Variants in GPR137C observed in about 807,000 individuals in gnomAD.
GPR137C encodes the protein integral membrane protein GPR137C.
Under a neutral mutation model 43.4 loss-of-function variants are expected in GPR137C, and 27 were observed. The observed-to-expected ratio is 0.62, with a 90% CI of 0.46 to 0.86. GPR137C has a LOEUF of 0.86. GPR137C is among the 40% of genes least tolerant of loss of function. The pLI, the probability that GPR137C is intolerant of heterozygous loss-of-function variation, is 0.00. For missense variants in GPR137C, 522 were observed against 534.6 expected (o/e 0.98, Z 0.23); for synonymous variants, 285 against 226.9 (o/e 1.26, Z -2.30).
intron 3 of GPR137C, among the ~76,000 whole-genome samples, chr14:52,625,975 T>G (rs930649729): frequency 3.3e-5 from 5 of 152,092 alleles, no homozygotes; most frequent in African/African-American, 1.2e-4. Context: ...CAACTAACCT[T>G]GAATTGAAAA....
Position 52,553,765 on chromosome 14 carries a change from A to C in GPR137C, c.444+174A>C, listed in dbSNP as rs562258984. Among the ~76,000 whole-genome samples, 12 of 152,266 alleles carry C rather than the reference A, an allele frequency of 7.9e-5. 1 individual carries two copies. The South Asian group carries it at 2.1e-3, about 26-fold the overall frequency. ...GAGCCAGTGTTTTCGCCTTAAACTT[A>C]AGTGGCTGATTGGCTTGATTACTGA... On this transcript the variant is annotated intron_variant, in intron 1 of 6. Transcript: ENST00000321662.
intron 1 of GPR137C, among the ~76,000 whole-genome samples, chr14:52,590,762 A>C (rs1290437899): frequency 1.3e-5 from 2 of 152,204 alleles, no homozygotes; most frequent in Non-Finnish European, 2.9e-5. Context: ...GTAGTAGGCT[A>C]TACCATCTAG....
At chr14:52,559,042 A>G (rs1018227538) in intron 1 of GPR137C, among the ~76,000 whole-genome samples, 18 of 152,220 alleles carry the variant, frequency 1.2e-4, no homozygotes, top group African/African-American at 3.9e-4. Flanking sequence ...AGAAAGCCCA[A>G]CAAATCCAAG....
At chr14:52,611,747 G>A (rs2039041247) in intron 3 of GPR137C, 1 of 358,614 alleles carries the variant, frequency 2.8e-6, no homozygotes, top group Non-Finnish European at 3.9e-6. Context: ...TTAAATCAGA[G>A]ATCTGCCATT....
chr14:52,599,578 C>A (rs1344731914), intron 2 of GPR137C, among the ~76,000 whole-genome samples: 5 of 151,880 alleles, frequency 3.3e-5, no homozygotes, highest in African/African-American at 4.8e-5. Flanking sequence ...GGACTACAGG[C>A]GTGTGCCGCC....
At chr14:52,586,733 C>G (rs935674048) in intron 1 of GPR137C, among the ~76,000 whole-genome samples, 3 of 152,154 alleles carry the variant, frequency 2.0e-5, no homozygotes, top group African/African-American at 7.2e-5. Context: ...TTCCTTCTTG[C>G]ATTCCAAAAC....
intron 3 of GPR137C, among the ~76,000 whole-genome samples, chr14:52,624,226 AAAAG>A (rs1437374194): frequency 4.7e-4 from 71 of 151,462 alleles, no homozygotes; most frequent in Admixed American, 8.5e-4. Context: ...AAAAAAAAAA[AAAAG>A]AAAGAACAAG....
chr14:52,616,283 TTTTGTTTG>T (rs147673852), intron 3 of GPR137C, among the ~76,000 whole-genome samples: 28 of 151,710 alleles, frequency 1.8e-4, no homozygotes, highest in South Asian at 2.1e-4. Context: ...ATGTTCTCTT[TTTTGTTTG>T]TTTGTTTGTT....
intron 3 of GPR137C, among the ~76,000 whole-genome samples, chr14:52,618,848 G>T (rs2039128515): frequency 6.6e-6 from 1 of 152,006 alleles, no homozygotes; most frequent in African/African-American, 2.4e-5. Flanking sequence ...AGCAAGTTGG[G>T]ATTCTTTGTC....
At chr14:52,633,086 A>G (rs930145659) in intron 4 of GPR137C, among the ~76,000 whole-genome samples, 1 of 152,080 alleles carries the variant, frequency 6.6e-6, no homozygotes, top group Non-Finnish European at 1.5e-5. Flanking sequence ...CAAATTTAAT[A>G]TGTAGATTAG....
rs530997910 is a variant in GPR137C at position 52,564,003 on chromosome 14, C to T, written c.444+10412C>T. 3.3e-5 allele frequency among the ~76,000 whole-genome samples: 5 copies of T among 152,058 alleles called. No homozygotes were observed. The South Asian group carries it at 8.3e-4, about 25-fold the overall frequency. ...TATAAAAGCCCCACCCAACCAGGCA[C>T]GGTGGCTCACACCCGTAATCCCAGC... On this transcript the variant is annotated intron_variant, in intron 1 of 6. Transcript: ENST00000321662.
At chr14:52,633,376 T>C (rs1022144610) in intron 4 of GPR137C, among the ~76,000 whole-genome samples, 154 bp from the exon 5 acceptor site, 5 of 152,148 alleles carry the variant, frequency 3.3e-5, no homozygotes, top group Non-Finnish European at 7.4e-5. Context: ...ATAAGTGTCA[T>C]TTCATGAGAA....
intron 1 of GPR137C, among the ~76,000 whole-genome samples, chr14:52,595,900 C>T (rs1186922023): frequency 6.6e-6 from 1 of 152,152 alleles, no homozygotes; most frequent in African/African-American, 2.4e-5. Context: ...AAGAGGCAGT[C>T]TGGTTTTTGG....
chr14:52,596,461 G>C (rs2038856554), intron 1 of GPR137C, among the ~76,000 whole-genome samples: 2 of 152,254 alleles, frequency 1.3e-5, no homozygotes. Flanking sequence ...GCCTTGCTGA[G>C]CTGCGGTGGG....
intron 3 of GPR137C, chr14:52,612,544 T>C: frequency 1.0e-6 from 1 of 979,840 alleles, no homozygotes; most frequent in African/African-American, 1.7e-5. Flanking sequence ...CACGTATCTT[T>C]TATGTTATGA....
At chr14:52,554,546 C>G (rs1325988153) in intron 1 of GPR137C, among the ~76,000 whole-genome samples, 1 of 151,922 alleles carries the variant, frequency 6.6e-6, no homozygotes, top group Non-Finnish European at 1.5e-5. Context: ...AAGACTTTCC[C>G]CCAAAAAAGT....
At chr14:52,615,952 A>AT (rs773714384) in intron 3 of GPR137C, among the ~76,000 whole-genome samples, 1 of 152,132 alleles carries the variant, frequency 6.6e-6, no homozygotes, top group African/African-American at 2.4e-5. Flanking sequence ...CTACTCTTTC[A>AT]TTTTTTTATT....
intron 1 of GPR137C, among the ~76,000 whole-genome samples, chr14:52,560,739 A>G (rs12883915): frequency 0.14 from 20,994 of 152,250 alleles, 1,525 homozygotes; most frequent in Non-Finnish European, 0.16. Context: ...ACCTCACACC[A>G]TAGAATGTAC....
At chr14:52,577,516 G>GCGCGCACACACACACACA (rs369713179) in intron 1 of GPR137C, among the ~76,000 whole-genome samples, 150 of 145,496 alleles carry the variant, frequency 1.0e-3, no homozygotes, top group Non-Finnish European at 1.8e-3. Flanking sequence ...GCGCGCGCGC[G>GCGCGCACACACACACACA]CACACACACA....
Sources: gnomAD v4.1 joint callset for allele counts (sites outside exome capture counted in the v4.1 genomes callset) on GRCh38, gnomAD v4.1.1 for gene constraint, MANE v1.5 for transcripts, NCBI Gene and HGNC (gene_info 2026-07-23, HGNC 2026-07-21) for gene names.